The following PIK3C2G variants were observed in gnomAD, a reference collection of about 807,000 sequenced individuals.
PIK3C2G encodes the protein phosphatidylinositol 3-kinase C2 domain-containing subunit gamma.
In PIK3C2G, 168 loss-of-function variants were observed where a neutral mutation model predicts 181.1. The ratio of observed to expected loss-of-function variants is 0.93; its 90% CI spans 0.82 to 1.05. The LOEUF (loss-of-function observed/expected upper bound fraction) is 1.05, where lower values mean the gene tolerates loss of function less well. Among genes scored for constraint, PIK3C2G ranks in the 50% least tolerant of loss-of-function variants. PIK3C2G has a pLI of 0.00. For synonymous variants in PIK3C2G, 573 were observed against 592.2 expected, an observed-to-expected ratio of 0.97 and a Z score of 0.47; for missense variants, 1,869 against 1,732.8, an observed-to-expected ratio of 1.08 and a Z score of -1.40.
intron 10 of PIK3C2G, among the ~76,000 whole-genome samples, chr12:18,345,710 AT>A (rs1939605579): frequency 6.6e-6 from 1 of 152,126 alleles, no homozygotes; most frequent in Admixed American, 6.6e-5. Flanking sequence ...TATTTCTAGA[AT>A]TTTCTTTTAA....
intron 25 of PIK3C2G, among the ~76,000 whole-genome samples, 186 bp downstream of exon 25, chr12:18,538,498 A>G (rs1303669683): frequency 1.3e-5 from 2 of 151,968 alleles, no homozygotes; most frequent in Non-Finnish European, 2.9e-5. Context: ...ATGTTCGTTC[A>G]TAGTTATTGT....
chr12:18,382,819 T>A (rs1942927636), intron 14 of PIK3C2G, among the ~76,000 whole-genome samples: 1 of 152,148 alleles, frequency 6.6e-6, no homozygotes, highest in Non-Finnish European at 1.5e-5. Flanking sequence ...GTCTCCAGGC[T>A]CTTAAGTTTC....
chr12:18,678,429 C>T, the PIK3C2G span, among the ~76,000 whole-genome samples: 1 of 152,012 alleles, frequency 6.6e-6, no homozygotes, highest in Non-Finnish European at 1.5e-5. Context: ...AAGCATATCC[C>T]TATTCAACCA....
At chr12:18,546,663 TA>T (rs1417195710) in intron 26 of PIK3C2G, among the ~76,000 whole-genome samples, 1 of 152,018 alleles carries the variant, frequency 6.6e-6, no homozygotes, top group Non-Finnish European at 1.5e-5. Context: ...CCTCTTCATC[TA>T]ACAGATTGCT....
intron 26 of PIK3C2G, among the ~76,000 whole-genome samples, chr12:18,555,489 T>G (rs1017809248): frequency 1.3e-5 from 2 of 152,148 alleles, no homozygotes; most frequent in East Asian, 3.9e-4. Context: ...CTAAGAAACC[T>G]GTTAGAAGCA....
intron 11 of PIK3C2G, among the ~76,000 whole-genome samples, chr12:18,356,292 T>C (rs1245295747): frequency 6.6e-6 from 1 of 152,140 alleles, no homozygotes; most frequent in Non-Finnish European, 1.5e-5. Context: ...CCTTGACCCC[T>C]TCACAGGATT....
intron 18 of PIK3C2G, among the ~76,000 whole-genome samples, chr12:18,454,433 TG>T (rs1947521410): frequency 6.6e-6 from 1 of 152,038 alleles, no homozygotes; most frequent in South Asian, 2.1e-4. Context: ...GAGAAAACAG[TG>T]AGTTCAAAGG....
At chr12:18,378,809 A>G (rs981295476) in intron 13 of PIK3C2G, among the ~76,000 whole-genome samples, 3 of 152,220 alleles carry the variant, frequency 2.0e-5, no homozygotes, top group Admixed American at 6.6e-5. Context: ...CAAAACCACA[A>G]TGAGATACCA....
chr12:18,303,208 T>G (rs1950278689), intron 5 of PIK3C2G, among the ~76,000 whole-genome samples: 1 of 151,136 alleles, frequency 6.6e-6, no homozygotes. Context: ...TTTCCTTTCT[T>G]TCTCTTTTCT....
intron 31 of PIK3C2G, 138 bp from the exon 32 acceptor site, chr12:18,640,291 G>C: frequency 4.5e-6 from 3 of 668,254 alleles, no homozygotes; most frequent in Non-Finnish European, 7.3e-6. Flanking sequence ...AATTTCTTTT[G>C]ATTTTCTCTT....
downstream of PIK3C2G, among the ~76,000 whole-genome samples, chr12:18,651,053 C>T (rs1277435764): frequency 6.6e-6 from 1 of 151,832 alleles, no homozygotes. Flanking sequence ...TTAAAATAAC[C>T]TAAAAGGCCC....
chr12:18,415,671 G>A (rs1432874372), intron 16 of PIK3C2G, among the ~76,000 whole-genome samples: 1 of 152,202 alleles, frequency 6.6e-6, no homozygotes. Flanking sequence ...GGCTTCTTGT[G>A]CCAAACAGTT....
intron 24 of PIK3C2G, among the ~76,000 whole-genome samples, chr12:18,516,730 A>G (rs1942575394): frequency 6.6e-6 from 1 of 151,894 alleles, no homozygotes; most frequent in Non-Finnish European, 1.5e-5. Context: ...CTTTTGTGTG[A>G]ACAAGTCTAA....
chr12:18,690,997 G>A, the PIK3C2G span, among the ~76,000 whole-genome samples: 1 of 152,238 alleles, frequency 6.6e-6, no homozygotes, highest in Non-Finnish European at 1.5e-5. Flanking sequence ...AACTTGTGGA[G>A]AATAGATATG....
chr12:18,689,711 AG>A, the PIK3C2G span, among the ~76,000 whole-genome samples: 1 of 152,172 alleles, frequency 6.6e-6, no homozygotes, highest in African/African-American at 2.4e-5. Context: ...GGATTTAGAA[AG>A]CAGTCCTGTA....
At chr12:18,421,218 C>T (rs567170176) in intron 17 of PIK3C2G, among the ~76,000 whole-genome samples, 184 bp downstream of exon 17, 1 of 151,902 alleles carries the variant, frequency 6.6e-6, no homozygotes, top group South Asian at 2.1e-4. Flanking sequence ...TTACAAAATA[C>T]ATTAATTCCA....
At chr12:18,684,236 A>T in the PIK3C2G span, 1 of 1,610,754 alleles carries the variant, frequency 6.2e-7, no homozygotes, top group Non-Finnish European at 8.5e-7. Flanking sequence ...ATTCTGGGAC[A>T]TGAATAATAA....
At chr12:18,388,186 A>G (rs1000101826) in intron 14 of PIK3C2G, among the ~76,000 whole-genome samples, 2 of 151,690 alleles carry the variant, frequency 1.3e-5, no homozygotes, top group African/African-American at 4.8e-5. Context: ...CAGACTCACC[A>G]CAATTGCCAC....
At chr12:18,417,771 C>T (rs754044968) in intron 16 of PIK3C2G, among the ~76,000 whole-genome samples, 9 of 151,622 alleles carry the variant, frequency 5.9e-5, no homozygotes, top group South Asian at 4.2e-4. Flanking sequence ...AAAAAATGTG[C>T]GACTGGCTTT....
Sources: allele counts gnomAD v4.1 joint callset (sites outside exome capture counted in the v4.1 genomes callset), GRCh38; gene constraint gnomAD v4.1.1; transcripts MANE v1.5; gene names NCBI Gene and HGNC (gene_info 2026-07-23, HGNC 2026-07-21).